Variants in PRDM2 observed in about 807,000 individuals in gnomAD.
PRDM2 encodes the protein PR/SET domain 2.
In PRDM2, 30 loss-of-function variants were observed where a neutral mutation model predicts 130.0. The ratio of observed to expected loss-of-function variants is 0.23; its 90% confidence interval spans 0.17 to 0.31. The LOEUF is 0.31. PRDM2 is among the 10% of genes least tolerant of loss of function. The pLI is 1.00. For synonymous variants in PRDM2, 871 were observed against 782.4 expected (o/e 1.11, Z -1.89); for missense variants, 2,011 against 2,108.4 (o/e 0.95, Z 0.90).
intron 5 of PRDM2, among the ~76,000 whole-genome samples, chr1:13,749,123 G>A (rs545421261): frequency 5.8e-4 from 88 of 152,160 alleles, no homozygotes; most frequent in African/African-American, 1.6e-3. Flanking sequence ...ACCCGTCACC[G>A]GGCCTTCCGC....
chr1:13,780,817 C>T lies in PRDM2; in HGVS notation c.3022C>T (p.Pro1008Ser), dbSNP rs1245532682. ...TTCCAGTGCATCTCCACACCCATGC[C>T]CCTCTCCACTCTCAAATGCCACCGC... ...PSSSASPHPCPSPLSNATAQS... is the reference protein window; with the variant it reads ...PSSSASPHPCSSPLSNATAQS... Residue 1008 changes from proline (P) to serine (S), a missense_variant, in exon 8 of 10, where the codon CCC becomes TCC. Physicochemically the swap from Pro to Ser is moderately conservative, Grantham distance 74. This residue lies in a region of PRDM2 where 1,288 missense variants were observed against 1,237.7 expected (regional missense o/e 1.04). Coordinates refer to ENST00000311066, the MANE Select transcript of PRDM2 (RefSeq NM_001393986.1). The T allele has an allele frequency of 2.5e-6, 4 of 1,601,754 alleles. No individual in the cohort carries two copies. The East Asian group carries it at 9.0e-5, about 36-fold the overall frequency.
Position 13,780,257 on chromosome 1 carries a change from A to G in PRDM2, c.2462A>G (p.Gln821Arg). 1 of 1,613,892 alleles carries G rather than the reference A, an allele frequency of 6.2e-7. No individual in the cohort carries two copies. The highest frequency in any genetic ancestry group is 8.5e-7 in the Non-Finnish European group (1 of 1,179,862). ...TCTGCTTTTAGCAGTGTGTGCAACC[A>G]GCAGCCACTGGATTTATCCAGCGGT... Reference protein sequence around the residue: ...ASSAFSSVCNQQPLDLSSGVK... With the variant: ...ASSAFSSVCNRQPLDLSSGVK... The change falls in exon 8 of 10, where the codon CAG becomes CGG. Residue 821 changes from glutamine to arginine, a missense_variant. By Grantham distance (43) the Gln-to-Arg change is conservative. Around this residue, in one of 5 missense-constraint regions of PRDM2, gnomAD observed 1,288 missense variants for 1,237.7 expected, o/e 1.04. Coordinates refer to ENST00000311066, the MANE Select transcript of PRDM2 (RefSeq NM_001393986.1).
In PRDM2 at chr1:13,823,155, T is replaced by C; in HGVS notation, c.*24-4T>C. On this transcript the variant is annotated splice_region_variant and splice_polypyrimidine_tract_variant and intron_variant, in intron 9 of 9. Coordinates refer to ENST00000311066, the MANE Select transcript of PRDM2 (RefSeq NM_001393986.1). ...TATTATTTTTATTTTCTTTTTCTCC[T>C]CAGCACCTGAAGTGACCTGGAATCA... 6.2e-7 allele frequency: 1 copy of C among 1,612,480 alleles called. No homozygotes were observed. Among genetic ancestry groups the C allele is most frequent in the South Asian group, 1.1e-5 (1 of 90,804 alleles).
Position 13,823,381 on chromosome 1 carries a change from C to T in PRDM2, c.*246C>T, listed in dbSNP as rs1008495887. The T allele has an allele frequency of 3.2e-5, 20 of 634,038 alleles. No individual in the cohort carries two copies. Among genetic ancestry groups the T allele is most frequent in the East Asian group, 2.2e-4 (8 of 35,744 alleles). The allele number at this position is 634,038 out of a possible 1,614,324, so 39.3% of individuals were successfully genotyped here. A position where few individuals can be genotyped will look rare whatever the true frequency, so the allele number is the denominator to read the frequency against. On this transcript the variant is annotated 3_prime_UTR_variant, in exon 10 of 10. Transcript: ENST00000311066. ...GGCGGCAGGAAGGGGGCCGACTCCACGCTGTCCTTTGGGATGATACTTGGA... is the reference window on the plus strand; with the variant it reads ...GGCGGCAGGAAGGGGGCCGACTCCATGCTGTCCTTTGGGATGATACTTGGA...
At position 13,727,675 on chromosome 1, in the gene PRDM2, C is replaced by G. The variant is rs577456758; in HGVS notation, c.10-3325C>G. On this transcript the variant is annotated intron_variant, in intron 2 of 9. Transcript: ENST00000311066. Reference sequence around the variant, plus strand: ...TGTTTAATTTTGTCTCTATTTCTTACCAGAGTGATGCCGTGTTGAGGCAAG... The same window carrying G: ...TGTTTAATTTTGTCTCTATTTCTTAGCAGAGTGATGCCGTGTTGAGGCAAG... Among the ~76,000 whole-genome samples, 6 of 152,288 alleles carry G rather than the reference C, an allele frequency of 3.9e-5. No homozygotes were observed. The South Asian group carries it at 6.2e-4, about 16-fold the overall frequency.
At chr1:13,807,141 G>A (rs927816080) in intron 8 of PRDM2, among the ~76,000 whole-genome samples, 10 of 152,236 alleles carry the variant, frequency 6.6e-5, no homozygotes, top group Admixed American at 2.6e-4. Context: ...CAGGAGGCCT[G>A]AGTCTTGGCC....
At chr1:13,710,380 CAA>C (rs1033765763) in intron 1 of PRDM2, among the ~76,000 whole-genome samples, 2 of 152,118 alleles carry the variant, frequency 1.3e-5, no homozygotes, top group African/African-American at 4.8e-5. Context: ...AGTAATGACT[CAA>C]ATTATTTTAT....
intron 8 of PRDM2, among the ~76,000 whole-genome samples, chr1:13,804,065 T>G (rs1023844860): frequency 2.0e-5 from 3 of 152,162 alleles, no homozygotes; most frequent in African/African-American, 7.2e-5. Flanking sequence ...TCACACCTCT[T>G]AAGTACACGA....
Position 13,702,412 on chromosome 1 carries a change from T to G in PRDM2, c.-66+2112T>G, listed in dbSNP as rs896763236. Among the ~76,000 whole-genome samples the G allele has an allele frequency of 1.3e-5, 2 of 152,228 alleles. 1 individual carries two copies. The highest frequency in any genetic ancestry group is 2.9e-5 in the Non-Finnish European group (2 of 68,034). On this transcript the variant is annotated intron_variant, in intron 1 of 9. Transcript: ENST00000311066. ...TTCATTAAGATTTGTTTGAAAGTTT[T>G]TTTAAAATCGTGGGTTTTAAAGTTC...
rs547307516 is a variant in PRDM2 at position 13,806,137 on chromosome 1, G to A, written c.5037-10290G>A. On this transcript the variant is annotated intron_variant, in intron 8 of 9. Coordinates refer to ENST00000311066, the MANE Select transcript of PRDM2 (RefSeq NM_001393986.1). This position sits in a 1 kb window ranked among gnomAD's most constrained non-coding sequence, Gnocchi z 4.1. Reference sequence around the variant, plus strand: ...GTCCCATCTCCCTTGGCCCATCTGCGGCAGTGGACGCTGTTAATCCTTCTC... The same window carrying A: ...GTCCCATCTCCCTTGGCCCATCTGCAGCAGTGGACGCTGTTAATCCTTCTC... 8.6e-5 allele frequency among the ~76,000 whole-genome samples: 13 copies of A among 151,672 alleles called. No individual in the cohort carries two copies. The highest frequency in any genetic ancestry group is 1.5e-4 in the Non-Finnish European group (10 of 67,924).
At chr1:13,773,679 A>T (rs1304368953) in intron 7 of PRDM2, 1 of 152,154 alleles carries the variant, frequency 6.6e-6, no homozygotes, top group Non-Finnish European at 1.5e-5. Context: ...CCCCCACTGT[A>T]CTCCAGCCTG....
At position 13,779,957 on chromosome 1, in the gene PRDM2, C is replaced by T; in HGVS notation, c.2162C>T (p.Ala721Val). The T allele has an allele frequency of 6.2e-7, 1 of 1,614,264 alleles. No individual in the cohort carries two copies. The highest frequency in any genetic ancestry group is 1.6e-4 in the Middle Eastern group (1 of 6,062). ...IAKLGPVCVS[A>V]PASMLPVTSS... Reference sequence around the variant, plus strand: ...AAATTAGGTCCTGTTTGTGTGTCTGCTCCTGCATCAATGTTGCCTGTGACC... The same window carrying T: ...AAATTAGGTCCTGTTTGTGTGTCTGTTCCTGCATCAATGTTGCCTGTGACC... Residue 721 changes from alanine to valine, a missense_variant, in exon 8 of 10, where the codon GCT becomes GTT. Transcript: ENST00000311066. The surrounding 1 kb of genome is among the most constrained non-coding windows in gnomAD (Gnocchi z 4.9).
intron 1 of PRDM2, among the ~76,000 whole-genome samples, chr1:13,703,442 C>T (rs1405633272): frequency 1.3e-5 from 2 of 152,228 alleles, no homozygotes; most frequent in Non-Finnish European, 2.9e-5. Context: ...ATTATTGAAT[C>T]TCTTTAAGAA....
At chr1:13,804,786 G>A (rs776192062) in intron 8 of PRDM2, among the ~76,000 whole-genome samples, 8 of 152,174 alleles carry the variant, frequency 5.3e-5, no homozygotes, top group Non-Finnish European at 7.3e-5. Context: ...GTGAACACCC[G>A]AGTTTGAGAT....
Position 13,749,473 on chromosome 1 carries a change from C to G in PRDM2, c.497C>G (p.Pro166Arg). The G allele has an allele frequency of 1.4e-6, 2 of 1,476,126 alleles. No homozygotes were observed. The highest frequency in any genetic ancestry group is 1.8e-6 in the Non-Finnish European group (2 of 1,098,546). 91.4% of individuals were successfully genotyped at this position (1,476,126 alleles called of 1,614,324 possible). ...RASARSKRSS[P>R]KSRKGKKKSQ... ...AGCGCCCGGAGCAAGCGGAGCTCCC[C>G]CAAGAGCCGGAAAGGTAGGAGCCCC... is the stretch of plus-strand genomic sequence containing the variant. Residue 166 changes from proline (P) to arginine (R), a missense_variant, in exon 6 of 10, where the codon CCC becomes CGC. Physicochemically the swap from Pro to Arg is moderately radical, Grantham distance 103. Coordinates refer to ENST00000311066, the MANE Select transcript of PRDM2 (RefSeq NM_001393986.1).
chr1:13,702,339 A>G (rs186816699), intron 1 of PRDM2, among the ~76,000 whole-genome samples: 159 of 152,350 alleles, frequency 1.0e-3, no homozygotes, highest in Middle Eastern at 3.4e-3. Flanking sequence ...GTAAGTTATC[A>G]ATCAAGTCCA....
At chr1:13,787,383 T>A (rs1644763848) in intron 8 of PRDM2, 1 of 984,110 alleles carries the variant, frequency 1.0e-6, no homozygotes, top group African/African-American at 1.7e-5. Context: ...CCTAAGTATA[T>A]TAATATCATT....
chr1:13,757,493 C>T (rs909016969), intron 6 of PRDM2, among the ~76,000 whole-genome samples: 4 of 152,220 alleles, frequency 2.6e-5, no homozygotes, highest in Admixed American at 2.6e-4. Flanking sequence ...TAGCTGTCAG[C>T]TCTGCAGCAC....
intron 8 of PRDM2, among the ~76,000 whole-genome samples, chr1:13,805,122 C>T (rs2100741358): frequency 6.6e-6 from 1 of 152,322 alleles, no homozygotes; most frequent in African/African-American, 2.4e-5. Context: ...CCTTACAGGA[C>T]TGCTGGGAAT....
Sources: gnomAD v4.1 joint callset for allele counts (sites outside exome capture counted in the v4.1 genomes callset) on GRCh38, gnomAD v4.1.1 for gene constraint, gnomAD v4.1.1 regional missense constraint, Gnocchi (gnomAD v3.1) non-coding constraint, MANE v1.5 for transcripts, NCBI Gene and HGNC (gene_info 2026-07-23, HGNC 2026-07-21) for gene names.